Variants in TMC4 observed in about 807,000 individuals in gnomAD.
TMC4 encodes the protein voltage-gated chloride channel TMC4.
In TMC4, 70 loss-of-function variants were observed where a neutral mutation model predicts 82.0. That is an observed-to-expected ratio of 0.85 (90% CI 0.70 to 1.04). The LOEUF (loss-of-function observed/expected upper bound fraction) is 1.04, where lower values mean the gene tolerates loss of function less well. Among genes scored for constraint, TMC4 ranks in the 50% least tolerant of loss-of-function variants. The probability of loss-of-function intolerance (pLI) is 0.00; values close to 1 mark genes in which losing one functional copy is unlikely to be tolerated. For synonymous variants in TMC4, 446 were observed against 406.0 expected (o/e 1.10, Z -1.18); for missense variants, 879 against 899.0 (o/e 0.98, Z 0.28).
chr19:54,160,170 G>T lies in TMC4; in HGVS notation c.*136C>A. 1.0e-6 allele frequency: 1 copy of T among 961,894 alleles called. No individual in the cohort carries two copies. The highest frequency in any genetic ancestry group is 1.5e-6 in the Non-Finnish European group (1 of 670,804). The allele number at this position is 961,894 out of a possible 1,614,324, so 59.6% of individuals were successfully genotyped here. A position where few individuals can be genotyped will look rare whatever the true frequency, so the allele number is the denominator to read the frequency against. On this transcript the variant is annotated 3_prime_UTR_variant, in exon 15 of 15. Transcript: ENST00000619895. ...TCACCCGAGAGTCAGGGACGTGGCG[G>T]CGAGGGGCCCTGGAAATCTCCAGAT...
At position 54,161,154 on chromosome 19, in the gene TMC4, A is replaced by G. The variant is rs755168455; in HGVS notation, c.1793T>C (p.Val598Ala). 45 of 1,587,246 alleles carry G rather than the reference A, an allele frequency of 2.8e-5. No homozygotes were observed. Among genetic ancestry groups the G allele is most frequent in the Non-Finnish European group, 3.8e-5 (44 of 1,169,164 alleles). ...CAGGAAGATGCTGTAAAGCAGGGGA[A>G]CGCTGGAGATGGCCAGACCCAGGAG... ...VLLLGLAISS[V>A]PLLYSIFLIP... Residue 598 changes from valine to alanine, a missense_variant, in exon 12 of 15, where the codon GTT (valine) becomes GCT (alanine). Physicochemically the swap from Val to Ala is moderately conservative, Grantham distance 64. Transcript: ENST00000619895.
chr19:54,160,260 C>A lies in TMC4; in HGVS notation c.*46G>T. 1 of 1,500,448 alleles carries A rather than the reference C, an allele frequency of 6.7e-7. No individual in the cohort carries two copies. Among genetic ancestry groups the A allele is most frequent in the Non-Finnish European group, 8.9e-7 (1 of 1,123,688 alleles). The allele number at this position is 1,500,448 out of a possible 1,614,324, so 92.9% of individuals were successfully genotyped here. On this transcript the variant is annotated 3_prime_UTR_variant, in exon 15 of 15. Transcript: ENST00000619895. ...TAGTTTACAGATGTTGTGACCTAGGCTTACAATGGGCCTGGGGTCTGAAAG... is the reference window on the plus strand; with the variant it reads ...TAGTTTACAGATGTTGTGACCTAGGATTACAATGGGCCTGGGGTCTGAAAG...
At chr19:54,168,117 G>T in intron 5 of TMC4, 54 bp downstream of exon 5, 1 of 1,530,112 alleles carries the variant, frequency 6.5e-7, no homozygotes, top group South Asian at 1.2e-5. Context: ...ACCACCACTT[G>T]CTTCCCCACC....
intron 5 of TMC4, among the ~76,000 whole-genome samples, chr19:54,167,122 A>G (rs1040140239): frequency 1.1e-4 from 17 of 151,820 alleles, no homozygotes; most frequent in Non-Finnish European, 2.4e-4. Flanking sequence ...TTTTAGCAAG[A>G]CATGGTGGTG....
intron 6 of TMC4, chr19:54,164,817 C>T (rs1568731876): frequency 1.3e-5 from 8 of 621,652 alleles, no homozygotes; most frequent in Non-Finnish European, 2.2e-5. Context: ...GCAACCCAAG[C>T]CCCCATCCCT....
chr19:54,167,710 G>T (rs1363989174), intron 5 of TMC4, among the ~76,000 whole-genome samples: 4 of 148,412 alleles, frequency 2.7e-5, no homozygotes, highest in African/African-American at 9.9e-5. Context: ...CTGGGCCACC[G>T]CTCCTGGCCC....
At position 54,172,029 on chromosome 19, in the gene TMC4, T is replaced by TA; in HGVS notation, c.133dup (p.Tyr45LeufsTer70). On this transcript the variant is annotated frameshift_variant, in exon 2 of 15. Transcript: ENST00000619895. LOFTEE classifies it high-confidence loss of function. ...CCAAGGCAGCACCCCAGGGTCTCGG[T>TA]ACCGAAGGGTGGCAGCACTGGGCAG... 3 of 1,613,044 alleles carry TA rather than the reference T, an allele frequency of 1.9e-6. No homozygotes were observed. In the South Asian group the frequency reaches 3.3e-5, roughly 18 times the overall value.
chr19:54,160,314 C>T lies in TMC4; in HGVS notation c.2113G>A (p.Ala705Thr). 2.0e-6 allele frequency: 3 copies of T among 1,515,782 alleles called. No homozygotes were observed. The highest frequency in any genetic ancestry group is 8.8e-7 in the Non-Finnish European group (1 of 1,132,878). 93.9% of individuals were successfully genotyped at this position (1,515,782 alleles called of 1,614,324 possible). Residue 705 changes from alanine to threonine, a missense_variant, in exon 15 of 15, where the codon GCT (alanine) becomes ACT (threonine). Coordinates refer to ENST00000619895, the MANE Select transcript of TMC4 (RefSeq NM_144686.4). ...RAVALTSTKP[A>T]L ...GACGTGGGCTGCGGGGGTCAAAGAG[C>T]CGGTTTGGTGGAGGTCAGCGCCACA...
At chr19:54,161,391 C>T in intron 11 of TMC4, 131 bp from the exon 12 acceptor site, 1 of 1,103,244 alleles carries the variant, frequency 9.1e-7, no homozygotes. Flanking sequence ...CAGAGTCTCG[C>T]TCTGTCGCCC....
At chr19:54,168,917 TTCCTTCCTTCCTTCCTTCC>T (rs2075801902) in intron 3 of TMC4, among the ~76,000 whole-genome samples, 1 of 10,702 alleles carries the variant, frequency 9.3e-5, no homozygotes, top group Non-Finnish European at 1.6e-4. Context: ...CTTTCTTTCC[TTCCTTCCTTCCTTCCTTCC>T]TTCCTTCCTT....
chr19:54,160,958 G>T lies in TMC4; in HGVS notation c.1893C>A (p.Ser631=). The T allele has an allele frequency of 6.2e-7, 1 of 1,614,194 alleles. No homozygotes were observed. Among genetic ancestry groups the T allele is most frequent in the Non-Finnish European group, 8.5e-7 (1 of 1,180,034 alleles). ...SIWAQIPESI[S]SLPETTQNFL... The stretch of plus-strand genomic sequence containing the variant: ...AATTCTGGGTGGTCTCAGGGAGGCT[G>T]GAAATAGACTCAGGGATCTGGGCCC... Residue 631 remains serine (S), a synonymous_variant, in exon 13 of 15, where the codon TCC becomes TCA. Coordinates refer to ENST00000619895, the MANE Select transcript of TMC4 (RefSeq NM_144686.4).
At chr19:54,167,881 T>A (rs1473476721) in intron 5 of TMC4, among the ~76,000 whole-genome samples, 1 of 151,396 alleles carries the variant, frequency 6.6e-6, no homozygotes. Context: ...ACCAACATGG[T>A]GAAACCCCAT....
At position 54,160,206 on chromosome 19, in the gene TMC4, G is replaced by C; in HGVS notation, c.*100C>G. ...TGGAAATCTCCAGATACCAAAGCTG[G>C]AAGGGCGTGGAGTCTTCTCCAGTTC... On this transcript the variant is annotated 3_prime_UTR_variant, in exon 15 of 15. Coordinates refer to ENST00000619895, the MANE Select transcript of TMC4 (RefSeq NM_144686.4). 7.7e-7 allele frequency: 1 copy of C among 1,295,058 alleles called. No homozygotes were observed. Among genetic ancestry groups the C allele is most frequent in the East Asian group, 2.5e-5 (1 of 40,228 alleles). 80.2% of individuals were successfully genotyped at this position (1,295,058 alleles called of 1,614,324 possible). A position where few individuals can be genotyped will look rare whatever the true frequency, so the allele number is the denominator to read the frequency against.
At chr19:54,168,793 CTTTCTT>C (rs2075775684) in intron 3 of TMC4, 113 bp from the exon 4 acceptor site, 1 of 90,926 alleles carries the variant, frequency 1.1e-5, no homozygotes, top group African/African-American at 1.9e-4. Context: ...CTTTTCTTTT[CTTTCTT>C]TTCTTTTCTT....
At chr19:54,169,775 G>C in intron 2 of TMC4, 115 bp from the exon 3 acceptor site, 1 of 1,396,338 alleles carries the variant, frequency 7.2e-7, no homozygotes, top group Non-Finnish European at 9.6e-7. Flanking sequence ...CTATACATAA[G>C]ATAGAATACT....
chr19:54,171,426 G>A (rs2075884977), intron 2 of TMC4, among the ~76,000 whole-genome samples: 1 of 152,190 alleles, frequency 6.6e-6, no homozygotes. Context: ...ATTTTTGAAG[G>A]AGGGCACCTG....
intron 2 of TMC4, among the ~76,000 whole-genome samples, chr19:54,170,086 G>C (rs2075847930): frequency 6.6e-6 from 1 of 152,106 alleles, no homozygotes; most frequent in African/African-American, 2.4e-5. Flanking sequence ...GGGTGACGGA[G>C]TGAGATTCCA....
At chr19:54,161,352 C>T in intron 11 of TMC4, 92 bp from the exon 12 acceptor site, 1 of 1,322,428 alleles carries the variant, frequency 7.6e-7, no homozygotes, top group South Asian at 2.0e-5. Flanking sequence ...CAGAGTCTCG[C>T]TCTGTCGCCC....
At position 54,170,490 on chromosome 19, in the gene TMC4, T is replaced by G. The variant is rs550433937; in HGVS notation, c.294-830A>C. Among the ~76,000 whole-genome samples the G allele has an allele frequency of 2.2e-4, 33 of 152,308 alleles. 2 individuals are homozygous for G. In the South Asian group the frequency reaches 3.9e-3, roughly 18 times the overall value. On this transcript the variant is annotated intron_variant, in intron 2 of 14. Coordinates refer to ENST00000619895, the MANE Select transcript of TMC4 (RefSeq NM_144686.4). ...CTCACTTTATGAATACAGCCATCCC[T>G]CAGTATCCATGGGGGTTGGTTCAAG...
Sources: allele counts gnomAD v4.1 joint callset (sites outside exome capture counted in the v4.1 genomes callset), GRCh38; gene constraint gnomAD v4.1.1; transcripts MANE v1.5; gene names NCBI Gene and HGNC (gene_info 2026-07-23, HGNC 2026-07-21).